TNFSF11: variants seen among roughly 807,000 people sequenced by gnomAD.
TNFSF11 encodes tumor necrosis factor ligand superfamily member 11.
In TNFSF11, 12 loss-of-function variants were observed where a neutral mutation model predicts 32.2. The ratio of observed to expected loss-of-function variants is 0.37; its 90% CI spans 0.24 to 0.60. TNFSF11 has a LOEUF of 0.60. Among genes scored for constraint, TNFSF11 ranks in the 20% least tolerant of loss-of-function variants. TNFSF11 has a pLI of 0.66. For missense variants in TNFSF11, 345 were observed against 398.0 expected (o/e 0.87, Z 1.13); for synonymous variants, 172 against 152.1 (o/e 1.13, Z -0.96).
upstream of TNFSF11, among the ~76,000 whole-genome samples, chr13:42,572,956 A>G (rs1384193419): frequency 1.3e-5 from 2 of 152,234 alleles, no homozygotes; most frequent in Non-Finnish European, 2.9e-5. Context: ...CGCAAATACC[A>G]AAATCCATGG....
intron 2 of TNFSF11, among the ~76,000 whole-genome samples, chr13:42,585,157 A>T (rs146419537): frequency 6.6e-6 from 1 of 152,256 alleles, no homozygotes; most frequent in Admixed American, 6.5e-5. Context: ...GACATTCTAC[A>T]CATCTTGCCA....
At chr13:42,592,146 A>T (rs894431164) in intron 2 of TNFSF11, among the ~76,000 whole-genome samples, 2 of 152,332 alleles carry the variant, frequency 1.3e-5, no homozygotes, top group Middle Eastern at 3.4e-3. Context: ...CCAACTCTTC[A>T]GGCACTAATT....
rs147212328 is a variant in TNFSF11 at position 42,586,993 on chromosome 13, T to C, written c.387+5700T>C. On this transcript the variant is annotated intron_variant, in intron 2 of 4. Transcript: ENST00000398795. ...TCCTCAATGAAGTATTTGCTGTTAT[T>C]TGGTATAGTCTGAGCTGGGTAACAA... 2.0e-3 allele frequency among the ~76,000 whole-genome samples: 298 copies of C among 152,324 alleles called. 2 individuals carry two copies. The highest frequency in any genetic ancestry group is 6.8e-3 in the African/African-American group (283 of 41,568).
intron 1 of TNFSF11, among the ~76,000 whole-genome samples, chr13:42,565,825 G>A (rs1217135032): frequency 1.3e-5 from 2 of 152,182 alleles, no homozygotes; most frequent in African/African-American, 4.8e-5. Context: ...TAAGTGAGAG[G>A]AGACTGCTGG....
chr13:42,589,645 C>T (rs74716059), intron 2 of TNFSF11, among the ~76,000 whole-genome samples: 2,576 of 152,282 alleles, frequency 0.017, 88 homozygotes, highest in African/African-American at 0.059. Context: ...GCAACTTGTA[C>T]TCCACGGCCT....
At chr13:42,598,948 T>C (rs1868973854) in intron 2 of TNFSF11, among the ~76,000 whole-genome samples, 1 of 152,038 alleles carries the variant, frequency 6.6e-6, no homozygotes, top group Non-Finnish European at 1.5e-5. Flanking sequence ...GAGGTTGACA[T>C]GAGTGGGGAA....
At chr13:42,589,390 C>A (rs78581139) in intron 2 of TNFSF11, among the ~76,000 whole-genome samples, 4,145 of 152,254 alleles carry the variant, frequency 0.027, 183 homozygotes, top group African/African-American at 0.094. Context: ...CATCTGGCCA[C>A]CCCCTCCTGG....
At position 42,585,025 on chromosome 13, in the gene TNFSF11, C is replaced by T. The variant is rs564599199; in HGVS notation, c.387+3732C>T. 2.1e-4 allele frequency among the ~76,000 whole-genome samples: 32 copies of T among 152,314 alleles called. 2 individuals are homozygous for T. The South Asian group carries it at 2.5e-3, about 12-fold the overall frequency. On this transcript the variant is annotated intron_variant, in intron 2 of 4. Coordinates refer to ENST00000398795, the MANE Select transcript of TNFSF11 (RefSeq NM_003701.4). ...AATCAATCAGTGTTCATTAAGTGCA[C>T]GTAATGTGCTAGGCACCTTGCCATG...
chr13:42,600,963 GCCACCGACATC>G lies in TNFSF11; in HGVS notation c.518_528del (p.Thr173IlefsTer5). On this transcript the variant is annotated frameshift_variant, in exon 4 of 5. Transcript: ENST00000398795. LOFTEE classifies it high-confidence loss of function. ...GCCTTTTGCTCATCTCACTATTAAT[GCCACCGACATC>G]CCATCTGGTAAGCTCTATCTGCATC... is the stretch of plus-strand genomic sequence containing the variant. 1 of 1,614,062 alleles carries G rather than the reference GCCACCGACATC, an allele frequency of 6.2e-7. No individual in the cohort carries two copies. The highest frequency in any genetic ancestry group is 8.5e-7 in the Non-Finnish European group (1 of 1,179,990).
upstream of TNFSF11, among the ~76,000 whole-genome samples, chr13:42,573,603 C>A (rs11839112): frequency 0.036 from 5,544 of 152,210 alleles, 279 homozygotes; most frequent in African/African-American, 0.11. Context: ...AGACCTGCCT[C>A]GCTCAATGTC....
chr13:42,599,976 C>A (rs1869078615), intron 2 of TNFSF11, among the ~76,000 whole-genome samples: 1 of 152,190 alleles, frequency 6.6e-6, no homozygotes, highest in African/African-American at 2.4e-5. Flanking sequence ...GAACTTGAAC[C>A]AAGGTGAAAG....
intron 2 of TNFSF11, among the ~76,000 whole-genome samples, chr13:42,584,396 G>A (rs1873784583): frequency 6.6e-6 from 1 of 152,180 alleles, no homozygotes; most frequent in African/African-American, 2.4e-5. Context: ...CCCAGATTGA[G>A]AGAGTACTTG....
At position 42,574,219 on chromosome 13, in the gene TNFSF11, GCC is replaced by G; in HGVS notation, c.-84_-83del. The G allele has an allele frequency of 6.6e-7, 1 of 1,514,586 alleles. No individual in the cohort carries two copies. The allele number at this position is 1,514,586 out of a possible 1,614,324, so 93.8% of individuals were successfully genotyped here. A position where few individuals can be genotyped will look rare whatever the true frequency, so the allele number is the denominator to read the frequency against. On this transcript the variant is annotated 5_prime_UTR_variant, in exon 1 of 5. Coordinates refer to ENST00000398795, the MANE Select transcript of TNFSF11 (RefSeq NM_003701.4). ...AGTCGGCGCCCCACGTCGAGGCTCC[GCC>G]GCAGCCTCCGGAGTTGGCCGCAGAC...
upstream of TNFSF11, among the ~76,000 whole-genome samples, chr13:42,573,710 G>T (rs61761331): frequency 1.3e-5 from 2 of 152,128 alleles, no homozygotes; most frequent in Non-Finnish European, 1.5e-5. Flanking sequence ...AAGCACTTTG[G>T]GGGGAGAGGT....
upstream of TNFSF11, chr13:42,571,473 A>G (rs1873066540): frequency 6.6e-6 from 1 of 152,082 alleles, no homozygotes; most frequent in Admixed American, 6.6e-5. Context: ...GGCTCAAACA[A>G]TCCACCTATC....
At chr13:42,586,842 C>CT (rs1358165041) in intron 2 of TNFSF11, among the ~76,000 whole-genome samples, 1 of 152,134 alleles carries the variant, frequency 6.6e-6, no homozygotes, top group Non-Finnish European at 1.5e-5. Context: ...ACCTGAAATT[C>CT]TTTTTTATTC....
rs537827326 is a variant in TNFSF11, at chr13:42,601,846, T to C, written c.532+865T>C. Among the ~76,000 whole-genome samples the C allele has an allele frequency of 1.1e-4, 16 of 152,334 alleles. No individual in the cohort carries two copies. The East Asian group carries it at 3.1e-3, about 29-fold the overall frequency. ...ATACCTCTCATCCTTACTGCAATCC[T>C]GCAAGGTAGGGATTATCACGCAAAT... On this transcript the variant is annotated intron_variant, in intron 4 of 4. Transcript: ENST00000398795.
At chr13:42,582,393 T>G (rs531178828) in intron 2 of TNFSF11, among the ~76,000 whole-genome samples, 63 of 152,338 alleles carry the variant, frequency 4.1e-4, no homozygotes, top group Middle Eastern at 3.4e-3. Flanking sequence ...AACACCCTGA[T>G]AGTTGAGATT....
rs201611536 is a variant in TNFSF11, at chr13:42,607,074, C to T, written c.*156C>T. 87 of 874,222 alleles carry T rather than the reference C, an allele frequency of 1.0e-4. No individual in the cohort carries two copies. The highest frequency in any genetic ancestry group is 7.0e-4 in the Middle Eastern group (2 of 2,850). The allele number at this position is 874,222 out of a possible 1,614,324, so 54.2% of individuals were successfully genotyped here. A position where few individuals can be genotyped will look rare whatever the true frequency, so the allele number is the denominator to read the frequency against. ...CATGCTCTTGACCTTGTAGAGAACACGCGTATTTACAGCCAGTGGGAGATG... is the reference window on the plus strand; with the variant it reads ...CATGCTCTTGACCTTGTAGAGAACATGCGTATTTACAGCCAGTGGGAGATG... On this transcript the variant is annotated 3_prime_UTR_variant, in exon 5 of 5. Coordinates refer to ENST00000398795, the MANE Select transcript of TNFSF11 (RefSeq NM_003701.4).
Sources: gnomAD v4.1 joint callset for allele counts (sites outside exome capture counted in the v4.1 genomes callset) on GRCh38, gnomAD v4.1.1 for gene constraint, MANE v1.5 for transcripts, NCBI Gene and HGNC (gene_info 2026-07-23, HGNC 2026-07-21) for gene names.